PGGT1B: variants seen among roughly 807,000 people sequenced by gnomAD.
PGGT1B encodes the protein geranylgeranyl transferase type-1 subunit beta.
In PGGT1B, 30 loss-of-function variants were observed where a neutral mutation model predicts 46.1. The observed-to-expected ratio is 0.65, with a 90% CI of 0.49 to 0.88. The LOEUF (loss-of-function observed/expected upper bound fraction) is 0.88, where lower values mean the gene tolerates loss of function less well. PGGT1B is among the 40% of genes least tolerant of loss of function. PGGT1B has a pLI of 0.00. For synonymous variants in PGGT1B, 170 were observed against 160.0 expected (o/e 1.06, Z -0.47); for missense variants, 376 against 455.9 (o/e 0.82, Z 1.60).
chr5:115,226,975 A>G (rs1392930943), intron 6 of PGGT1B, among the ~76,000 whole-genome samples: 2 of 152,080 alleles, frequency 1.3e-5, no homozygotes, highest in Non-Finnish European at 2.9e-5. Context: ...CATTTCAAGC[A>G]AAGGAAAAGG....
intron 2 of PGGT1B, among the ~76,000 whole-genome samples, chr5:115,244,544 TA>T (rs970776890): frequency 9.5e-5 from 14 of 146,678 alleles, no homozygotes; most frequent in Non-Finnish European, 1.5e-4. Context: ...ATGCTATACT[TA>T]AAAAAAAAAT....
At position 115,216,145 on chromosome 5, in the gene PGGT1B, CT is replaced by C. The variant is rs931103536; in HGVS notation, c.952+719del. On this transcript the variant is annotated intron_variant, in intron 8 of 8. Coordinates refer to ENST00000419445, the MANE Select transcript of PGGT1B (RefSeq NM_005023.4). ...GGATTTGAAATATTTTATTTAATGA[CT>C]TTTTTTTTTGAGACAAAGAGTCTCG... Among the ~76,000 whole-genome samples the C allele has an allele frequency of 1.9e-4, 29 of 149,032 alleles. No homozygotes were observed. In the South Asian group the frequency reaches 3.6e-3, roughly 19 times the overall value.
At chr5:115,235,588 T>C (rs1228938630) in intron 5 of PGGT1B, among the ~76,000 whole-genome samples, 3 of 152,202 alleles carry the variant, frequency 2.0e-5, no homozygotes, top group African/African-American at 7.2e-5. Context: ...GAAGACAGTA[T>C]TACTTCTGTA....
At chr5:115,219,926 T>A (rs933413588) in intron 7 of PGGT1B, among the ~76,000 whole-genome samples, 6 of 151,650 alleles carry the variant, frequency 4.0e-5, no homozygotes, top group East Asian at 1.9e-4. Flanking sequence ...TATATATACA[T>A]AAAAACAAAC....
intron 3 of PGGT1B, among the ~76,000 whole-genome samples, chr5:115,240,166 C>T (rs1757305843): frequency 6.6e-6 from 1 of 151,856 alleles, no homozygotes; most frequent in African/African-American, 2.4e-5. Context: ...CCTAGCTTGC[C>T]CAGAAGATAT....
intron 6 of PGGT1B, among the ~76,000 whole-genome samples, chr5:115,229,468 A>G (rs145895361): frequency 6.6e-6 from 1 of 152,176 alleles, no homozygotes; most frequent in Admixed American, 6.5e-5. Flanking sequence ...TGATGATCCT[A>G]ATGGGTACAG....
At chr5:115,248,263 G>T (rs1747939363) in intron 2 of PGGT1B, among the ~76,000 whole-genome samples, 1 of 151,994 alleles carries the variant, frequency 6.6e-6, no homozygotes, top group Non-Finnish European at 1.5e-5. Context: ...AACATGCATG[G>T]TAAACAGAGC....
At chr5:115,236,040 T>C (rs1757172915) in intron 5 of PGGT1B, among the ~76,000 whole-genome samples, 1 of 152,230 alleles carries the variant, frequency 6.6e-6, no homozygotes, top group South Asian at 2.1e-4. Context: ...TCACCAAAGA[T>C]AACATAATCT....
At chr5:115,248,230 G>C (rs1322428224) in intron 2 of PGGT1B, among the ~76,000 whole-genome samples, 1 of 152,154 alleles carries the variant, frequency 6.6e-6, no homozygotes, top group South Asian at 2.1e-4. Flanking sequence ...GTTCCCATGA[G>C]AAAAATCTGT....
intron 5 of PGGT1B, 148 bp downstream of exon 5, chr5:115,236,242 T>C (rs1247814222): frequency 1.7e-6 from 1 of 576,056 alleles, no homozygotes; most frequent in Non-Finnish European, 3.0e-6. Flanking sequence ...TATTTCTTTA[T>C]TGTGTTCTGA....
chr5:115,220,030 T>A (rs899333322), intron 7 of PGGT1B, among the ~76,000 whole-genome samples: 1 of 151,770 alleles, frequency 6.6e-6, no homozygotes, highest in Non-Finnish European at 1.5e-5. Flanking sequence ...GTGGAAAAGT[T>A]TGGCATTTCC....
intron 6 of PGGT1B, among the ~76,000 whole-genome samples, chr5:115,229,429 C>T (rs1387644304): frequency 2.6e-5 from 4 of 152,218 alleles, no homozygotes; most frequent in Middle Eastern, 3.4e-3. Flanking sequence ...GGAAGATATA[C>T]GCTTTGGGCA....
chr5:115,212,668 C>T (rs1354340267), intron 8 of PGGT1B, 85 bp from the exon 9 acceptor site: 6 of 856,600 alleles, frequency 7.0e-6, no homozygotes, highest in South Asian at 5.7e-5. Flanking sequence ...TTTACCAGCC[C>T]ATCACTCCAT....
intron 2 of PGGT1B, among the ~76,000 whole-genome samples, chr5:115,250,458 T>C (rs1471979907): frequency 6.6e-6 from 1 of 152,140 alleles, no homozygotes; most frequent in Non-Finnish European, 1.5e-5. Context: ...TTCACTTGTC[T>C]CCCTTCCAGA....
chr5:115,256,435 T>C (rs1748316175), intron 1 of PGGT1B, among the ~76,000 whole-genome samples: 2 of 152,196 alleles, frequency 1.3e-5, no homozygotes, highest in African/African-American at 4.8e-5. Flanking sequence ...GATGGTATTT[T>C]AAAATCTTGC....
At position 115,206,116 on chromosome 5, in the gene PGGT1B, A is replaced by G. The variant is rs1756054523; in HGVS notation, c.*6286T>C. 1 of 151,982 alleles carries G rather than the reference A, an allele frequency of 6.6e-6. No individual in the cohort carries two copies. The highest frequency in any genetic ancestry group is 1.5e-5 in the Non-Finnish European group (1 of 67,900). The allele number at this position is 151,982 out of a possible 1,614,324, so 9.4% of individuals were successfully genotyped here. On this transcript the variant is annotated 3_prime_UTR_variant, in exon 9 of 9. Transcript: ENST00000419445. Reference sequence around the variant, plus strand: ...TATTTAGTACCTCAGATCTTTATGTATAGTATACATACATATATCTATTTG... The same window carrying G: ...TATTTAGTACCTCAGATCTTTATGTGTAGTATACATACATATATCTATTTG...
chr5:115,218,153 A>G (rs1382185924), intron 7 of PGGT1B, among the ~76,000 whole-genome samples: 1 of 151,846 alleles, frequency 6.6e-6, no homozygotes. Flanking sequence ...GAAAAGTGAG[A>G]GGCTAAATCT....
At chr5:115,216,812 G>C (rs1055026341) in intron 8 of PGGT1B, 53 bp downstream of exon 8, 2 of 867,592 alleles carry the variant, frequency 2.3e-6, no homozygotes. Flanking sequence ...AAAGATGCTT[G>C]AAGATCTATT....
At chr5:115,237,836 A>T in intron 4 of PGGT1B, 22 bp downstream of exon 4, 1 of 1,594,130 alleles carries the variant, frequency 6.3e-7, no homozygotes, top group South Asian at 1.1e-5. Flanking sequence ...TTACAAAAAA[A>T]GTAACAAAGA....
Sources: allele counts gnomAD v4.1 joint callset (sites outside exome capture counted in the v4.1 genomes callset), GRCh38; gene constraint gnomAD v4.1.1; transcripts MANE v1.5; gene names NCBI Gene and HGNC (gene_info 2026-07-23, HGNC 2026-07-21).